Variants in BTF3 observed in about 807,000 individuals in gnomAD.
BTF3 encodes the protein basic transcription factor 3, also known as transcription factor BTF3.
In BTF3, 12 loss-of-function variants were observed where a neutral mutation model predicts 23.9. The observed-to-expected ratio is 0.50, with a 90% CI of 0.32 to 0.81. The LOEUF (loss-of-function observed/expected upper bound fraction) is 0.81, where lower values mean the gene tolerates loss of function less well. Ranked by LOEUF, BTF3 falls within the 40% of genes least tolerant of loss-of-function variation. BTF3 has a pLI of 0.03. For synonymous variants in BTF3, 96 were observed against 94.8 expected (o/e 1.01, Z -0.07); for missense variants, 215 against 255.9 (o/e 0.84, Z 1.09).
At chr5:73,499,319 A>C (rs1465290087) in intron 2 of BTF3, 117 bp downstream of exon 2, 4 of 1,130,820 alleles carry the variant, frequency 3.5e-6, no homozygotes, top group Non-Finnish European at 5.2e-6. Context: ...ATCGAGGGAA[A>C]TTCACGGAGC....
rs1379009626 is a variant in BTF3, at chr5:73,502,510, A to T, written c.224A>T (p.Lys75Met). Residue 75 changes from lysine (K) to methionine (M), a missense_variant, in exon 3 of 6, where the codon AAG becomes ATG. Transcript: ENST00000380591. ...TAGGGAACTGCTCGCAGAAAGAAGA[A>T]GGTGGTTCATAGAACAGCCACAGCA... ...GGKGTARRKK[K>M]VVHRTATADD... is the part of the protein sequence containing the mutation. 1 of 1,605,166 alleles carries T rather than the reference A, an allele frequency of 6.2e-7. No individual in the cohort carries two copies. The highest frequency in any genetic ancestry group is 8.5e-7 in the Non-Finnish European group (1 of 1,177,972).
intron 5 of BTF3, chr5:73,504,803 C>G (rs896019873): frequency 1.8e-5 from 4 of 217,780 alleles, no homozygotes; most frequent in Non-Finnish European, 2.7e-5. Flanking sequence ...CAGCATAACT[C>G]CTTTGGGAAT....
rs766853542 is a variant in BTF3 at position 73,502,498 on chromosome 5, G to A, written c.212G>A (p.Arg71His). The change falls in exon 3 of 6, where the codon CGC becomes CAC. Residue 71 changes from arginine to histidine, a missense_variant. Arg to His is a conservative substitution (Grantham distance 29). Coordinates refer to ENST00000380591, the MANE Select transcript of BTF3 (RefSeq NM_001037637.2). ...TCTCCCTGACTTTAGGGAACTGCTC[G>A]CAGAAAGAAGAAGGTGGTTCATAGA... ...QVRIGGKGTA[R>H]RKKKVVHRTA... The A allele has an allele frequency of 1.3e-6, 2 of 1,595,212 alleles. No individual in the cohort carries two copies. The highest frequency in any genetic ancestry group is 1.7e-6 in the Non-Finnish European group (2 of 1,175,414).
In BTF3 at chr5:73,501,272, G is replaced by A. The variant is rs569377874; in HGVS notation, c.202-1216G>A. ...ATAGGAATAGGGATGGAGGTTGGGG[G>A]ACGGTGAGGTGGTTGGGTGTGATAG... On this transcript the variant is annotated intron_variant, in intron 2 of 5. Coordinates refer to ENST00000380591, the MANE Select transcript of BTF3 (RefSeq NM_001037637.2). 2.0e-4 allele frequency among the ~76,000 whole-genome samples: 30 copies of A among 152,272 alleles called. 1 individual carries two copies. In the East Asian group the frequency reaches 5.6e-3, roughly 28 times the overall value.
At chr5:73,502,394 A>G in intron 2 of BTF3, 94 bp from the exon 3 acceptor site, 1 of 902,808 alleles carries the variant, frequency 1.1e-6, no homozygotes. Context: ...ATACAGATCC[A>G]AAGGTCAGAA....
In BTF3 at chr5:73,502,987, G is replaced by A. The variant is rs137911027; in HGVS notation, c.387G>A (p.Ala129=). The change falls in exon 4 of 6, where the codon GCG becomes GCA. Residue 129 remains alanine, a synonymous_variant. Transcript: ENST00000380591. ...NNPKVQASLA[A]NTFTITGHAE... ...CTAAAGTTCAGGCATCTCTGGCAGC[G>A]AACACTTTCACCATTACAGGCCATG... 1.3e-3 allele frequency: 2,157 copies of A among 1,613,592 alleles called. 4 individuals carry two copies. Among genetic ancestry groups the A allele is most frequent in the Non-Finnish European group, 1.6e-3 (1,923 of 1,179,850 alleles).
chr5:73,498,682 C>T lies in BTF3; in HGVS notation c.15C>T (p.Gly5=), dbSNP rs1312352705. Residue 5 remains glycine (G), a synonymous_variant, in exon 1 of 6, where the codon GGC becomes GGT. Transcript: ENST00000380591. MRRT[G]APAQADSRGR... is the part of the protein sequence containing the mutation. Reference sequence around the variant, plus strand: ...AGAGGAAGGCGATGCGACGGACAGGCGCACCCGCTCAGGCTGACTCTCGGG... The same window carrying T: ...AGAGGAAGGCGATGCGACGGACAGGTGCACCCGCTCAGGCTGACTCTCGGG... 3 of 1,497,486 alleles carry T rather than the reference C, an allele frequency of 2.0e-6. No individual in the cohort carries two copies. The highest frequency in any genetic ancestry group is 2.7e-6 in the Non-Finnish European group (3 of 1,132,062). 92.8% of individuals were successfully genotyped at this position (1,497,486 alleles called of 1,614,324 possible). A position where few individuals can be genotyped will look rare whatever the true frequency, so the allele number is the denominator to read the frequency against.
At chr5:73,499,598 C>G in intron 2 of BTF3, 1 of 323,376 alleles carries the variant, frequency 3.1e-6, no homozygotes, top group Non-Finnish European at 6.0e-6. Context: ...TTCTGTACTG[C>G]TTTCTGAACT....
At position 73,505,658 on chromosome 5, in the gene BTF3, G is replaced by C. The variant is rs1251869736; in HGVS notation, c.*420G>C. Reference sequence around the variant, plus strand: ...TAACAAAGGTGGTATAAAGTTCTCAGGTTTGAAAACTTTGCTCTCCAACAG... The same window carrying C: ...TAACAAAGGTGGTATAAAGTTCTCACGTTTGAAAACTTTGCTCTCCAACAG... On this transcript the variant is annotated 3_prime_UTR_variant, in exon 6 of 6. Transcript: ENST00000380591. 1 of 154,986 alleles carries C rather than the reference G, an allele frequency of 6.5e-6. No homozygotes were observed. The highest frequency in any genetic ancestry group is 1.4e-5 in the Non-Finnish European group (1 of 70,232). The allele number at this position is 154,986 out of a possible 1,614,324, so 9.6% of individuals were successfully genotyped here. A position where few individuals can be genotyped will look rare whatever the true frequency, so the allele number is the denominator to read the frequency against.
intron 2 of BTF3, 63 bp from the exon 3 acceptor site, chr5:73,502,425 A>C: frequency 8.5e-7 from 1 of 1,175,286 alleles, no homozygotes; most frequent in Non-Finnish European, 1.2e-6. Context: ...AACTATTCCC[A>C]TTTGAAAAAT....
In BTF3 at chr5:73,502,240, A is replaced by G. The variant is rs184912417; in HGVS notation, c.202-248A>G. ...TCAAATGCTTAATTTAGATTGACAC[A>G]TGCTACCTCTTTGATCACTTTTAGA... On this transcript the variant is annotated intron_variant, in intron 2 of 5. Coordinates refer to ENST00000380591, the MANE Select transcript of BTF3 (RefSeq NM_001037637.2). Among the ~76,000 whole-genome samples, 46 of 152,078 alleles carry G rather than the reference A, an allele frequency of 3.0e-4. No homozygotes were observed. The East Asian group carries it at 5.6e-3, about 19-fold the overall frequency.
chr5:73,505,052 TGCATTC>T, intron 5 of BTF3, 134 bp from the exon 6 acceptor site: 2 of 680,898 alleles, frequency 2.9e-6, no homozygotes, highest in South Asian at 1.9e-5. Flanking sequence ...TTTTTTTTTT[TGCATTC>T]TTGTTCTTGG....
chr5:73,504,267 CTTTTT>C (rs34051700), intron 4 of BTF3, 75 bp from the exon 5 acceptor site: 537 of 125,122 alleles, frequency 4.3e-3, no homozygotes, highest in East Asian at 0.012. Context: ...TTCATCTGTT[CTTTTT>C]TTTTTTTTTT....
chr5:73,498,524 A>C lies in BTF3; in HGVS notation c.-144A>C. On this transcript the variant is annotated 5_prime_UTR_variant, in exon 1 of 6. Coordinates refer to ENST00000380591, the MANE Select transcript of BTF3 (RefSeq NM_001037637.2). ...CCGAGACCCCTTGAGCACCAACCCT[A>C]GTCCCCCGCGCGGCCCCTTATTCGC... 8.0e-7 allele frequency: 1 copy of C among 1,251,996 alleles called. No individual in the cohort carries two copies. Among genetic ancestry groups the C allele is most frequent in the Non-Finnish European group, 1.0e-6 (1 of 960,216 alleles). 77.6% of individuals were successfully genotyped at this position (1,251,996 alleles called of 1,614,324 possible). A position where few individuals can be genotyped will look rare whatever the true frequency, so the allele number is the denominator to read the frequency against.
intron 2 of BTF3, 60 bp downstream of exon 2, chr5:73,499,262 AC>A (rs1561253633): frequency 2.6e-6 from 4 of 1,548,732 alleles, no homozygotes; most frequent in Non-Finnish European, 3.6e-6. Flanking sequence ...ATTTTAAAAA[AC>A]ATATTCCTTT....
intron 1 of BTF3, 111 bp downstream of exon 1, chr5:73,498,910 A>G: frequency 3.5e-6 from 5 of 1,430,994 alleles, no homozygotes; most frequent in Non-Finnish European, 4.6e-6. Context: ...AGAGCCTTTC[A>G]TCCGGGCCTG....
At chr5:73,502,190 T>A (rs1183588930) in intron 2 of BTF3, among the ~76,000 whole-genome samples, 1 of 151,334 alleles carries the variant, frequency 6.6e-6, no homozygotes, top group Non-Finnish European at 1.5e-5. Context: ...CAGAAGAGGT[T>A]AATAATTCTG....
intron 2 of BTF3, 50 bp downstream of exon 2, chr5:73,499,252 AT>A: frequency 1.9e-5 from 30 of 1,575,590 alleles, no homozygotes; most frequent in Non-Finnish European, 2.6e-5. Flanking sequence ...AGGTTTAGGT[AT>A]TTTAAAAAAC....
intron 4 of BTF3, among the ~76,000 whole-genome samples, chr5:73,503,437 A>C (rs953143814): frequency 1.3e-5 from 2 of 152,228 alleles, no homozygotes; most frequent in Non-Finnish European, 2.9e-5. Context: ...ATTGAAAAAA[A>C]AATTAGTGTA....
Sources: gnomAD v4.1 joint callset for allele counts (sites outside exome capture counted in the v4.1 genomes callset) on GRCh38, gnomAD v4.1.1 for gene constraint, MANE v1.5 for transcripts, NCBI Gene and HGNC (gene_info 2026-07-23, HGNC 2026-07-21) for gene names.